Variants in ADD2 observed in about 807,000 individuals in gnomAD.
ADD2 encodes the protein beta-adducin.
Under a neutral mutation model 83.0 loss-of-function variants are expected in ADD2, and 23 were observed. That is an observed-to-expected ratio of 0.28 (90% CI 0.20 to 0.39). ADD2 has a LOEUF of 0.39. ADD2 is among the 10% of genes least tolerant of loss of function. The pLI, the probability that ADD2 is intolerant of heterozygous loss-of-function variation, is 1.00. For synonymous variants in ADD2, 375 were observed against 375.4 expected (o/e 1.00, Z 0.01); for missense variants, 758 against 944.9 (o/e 0.80, Z 2.59).
chr2:70,705,088 G>T (rs989521773), intron 3 of ADD2, among the ~76,000 whole-genome samples: 1 of 152,110 alleles, frequency 6.6e-6, no homozygotes, highest in Non-Finnish European at 1.5e-5. Context: ...AAGGAAGCAG[G>T]CCCTCCTCCA....
chr2:70,678,278 C>A (rs964105772), intron 11 of ADD2, among the ~76,000 whole-genome samples: 1 of 152,134 alleles, frequency 6.6e-6, no homozygotes, highest in Non-Finnish European at 1.5e-5. Flanking sequence ...AAATTGAGAG[C>A]CTGTGGGTGG....
Position 70,758,084 on chromosome 2 carries a change from G to A in ADD2, c.-154+9802C>T, listed in dbSNP as rs115933320. On this transcript the variant is annotated intron_variant, in intron 1 of 15. Coordinates refer to ENST00000264436, the MANE Select transcript of ADD2 (RefSeq NM_001617.4). ...TACCAGGGAGGCTGCCATTCACGCG[G>A]CAGGAACTGTGAGGGATCGACATCT... is the stretch of plus-strand genomic sequence containing the variant. 4.6e-4 allele frequency among the ~76,000 whole-genome samples: 70 copies of A among 152,302 alleles called. 1 individual carries two copies. The highest frequency in any genetic ancestry group is 1.6e-3 in the African/African-American group (67 of 41,580).
chr2:70,729,906 T>C (rs1198936616), intron 1 of ADD2, among the ~76,000 whole-genome samples: 3 of 152,194 alleles, frequency 2.0e-5, no homozygotes, highest in African/African-American at 7.2e-5. Flanking sequence ...GAAATTAACA[T>C]AATACGAAAT....
chr2:70,719,247 A>G (rs1273742033), intron 1 of ADD2, among the ~76,000 whole-genome samples: 1 of 152,228 alleles, frequency 6.6e-6, no homozygotes, highest in African/African-American at 2.4e-5. Flanking sequence ...TCTGGACTCA[A>G]TACAATCCTT....
chr2:70,745,494 T>A (rs189405347), intron 1 of ADD2, among the ~76,000 whole-genome samples: 1 of 151,910 alleles, frequency 6.6e-6, no homozygotes, highest in Non-Finnish European at 1.5e-5. Flanking sequence ...TGTGAAGGGG[T>A]TGGTCTCTTC....
chr2:70,706,223 C>T lies in ADD2; in HGVS notation c.183+3G>A, dbSNP rs1309822933. On this transcript the variant is annotated splice_donor_region_variant and intron_variant, in intron 3 of 15. Transcript: ENST00000264436. This position sits in a 1 kb window ranked among gnomAD's most constrained non-coding sequence, Gnocchi z 5.0. ...CTCTCCCGCCCGGGTCAGCCCCACTCACGGGACTCTGCAGGATCATGGTGA... is the reference window on the plus strand; with the variant it reads ...CTCTCCCGCCCGGGTCAGCCCCACTTACGGGACTCTGCAGGATCATGGTGA... 3 of 1,613,412 alleles carry T rather than the reference C, an allele frequency of 1.9e-6. No homozygotes were observed. Among genetic ancestry groups the T allele is most frequent in the South Asian group, 1.1e-5 (1 of 90,992 alleles).
rs1670309890 is a variant in ADD2, at chr2:70,678,818, G to A, written c.1269C>T (p.Ala423=). The A allele has an allele frequency of 6.2e-7, 1 of 1,614,002 alleles. No individual in the cohort carries two copies. ...GGGTCTTCTCCTTCTGCTGCTTCTG[G>A]GCATGCTGTCGCAGGGCGGGCACCG... ...GAPVPALRQH[A]QKQQKEKTRW... Residue 423 remains alanine, a synonymous_variant, in exon 11 of 16, where the codon GCC becomes GCT. Coordinates refer to ENST00000264436, the MANE Select transcript of ADD2 (RefSeq NM_001617.4).
At chr2:70,746,470 C>A (rs1425402507) in intron 1 of ADD2, among the ~76,000 whole-genome samples, 1 of 152,114 alleles carries the variant, frequency 6.6e-6, no homozygotes, top group Non-Finnish European at 1.5e-5. Context: ...AAGCATTAAC[C>A]CTTTAGTCCC....
intron 4 of ADD2, among the ~76,000 whole-genome samples, chr2:70,699,626 T>A (rs955822821): frequency 7.9e-5 from 12 of 152,130 alleles, no homozygotes; most frequent in Admixed American, 3.3e-4. Context: ...TAAAAAATTT[T>A]AAAATTGCCC....
intron 1 of ADD2, among the ~76,000 whole-genome samples, chr2:70,745,234 C>T (rs1674124903): frequency 6.6e-6 from 1 of 151,730 alleles, no homozygotes; most frequent in Admixed American, 6.6e-5. Flanking sequence ...TGCAGTGGGC[C>T]GAGATCATGC....
At chr2:70,677,145 T>A (rs1266799697) in intron 12 of ADD2, among the ~76,000 whole-genome samples, 1 of 152,166 alleles carries the variant, frequency 6.6e-6, no homozygotes, top group Non-Finnish European at 1.5e-5. Flanking sequence ...TGAGGCATAG[T>A]TGATCCTAAG....
intron 1 of ADD2, among the ~76,000 whole-genome samples, chr2:70,751,854 G>A (rs1403660918): frequency 1.3e-5 from 2 of 152,076 alleles, no homozygotes; most frequent in African/African-American, 4.8e-5. Context: ...TTAAGAAAAG[G>A]AACACATCTT....
At chr2:70,729,853 T>C (rs1036408314) in intron 1 of ADD2, among the ~76,000 whole-genome samples, 6 of 152,204 alleles carry the variant, frequency 3.9e-5, no homozygotes, top group Non-Finnish European at 8.8e-5. Context: ...GGTCACTGCC[T>C]GCTTCCAGGC....
chr2:70,725,135 C>T (rs1256140492), intron 1 of ADD2, among the ~76,000 whole-genome samples: 7 of 152,314 alleles, frequency 4.6e-5, no homozygotes, highest in African/African-American at 1.4e-4. Context: ...ATCTGTAAAG[C>T]AGAGTGGTAA....
In ADD2 at chr2:70,671,497, GA is replaced by G. The variant is rs148656345; in HGVS notation, c.1870+1380del. Among the ~76,000 whole-genome samples, 7 of 149,408 alleles carry G rather than the reference GA, an allele frequency of 4.7e-5. No homozygotes were observed. The South Asian group carries it at 6.4e-4, about 14-fold the overall frequency. On this transcript the variant is annotated intron_variant, in intron 15 of 15. Coordinates refer to ENST00000264436, the MANE Select transcript of ADD2 (RefSeq NM_001617.4). ...ATGTGGGGAGAAATCTATTTCTTTT[GA>G]AAAAAAAAATCCTCCCTCCCCCATT...
rs782330162 is a variant in ADD2 at position 70,708,942 on chromosome 2, G to A, written c.-34-2500C>T. Among the ~76,000 whole-genome samples, 207 of 152,140 alleles carry A rather than the reference G, an allele frequency of 1.4e-3. 5 individuals are homozygous for A. Among genetic ancestry groups the A allele is most frequent in the Non-Finnish European group, 2.9e-4 (20 of 68,026 alleles). On this transcript the variant is annotated intron_variant, in intron 2 of 15. Coordinates refer to ENST00000264436, the MANE Select transcript of ADD2 (RefSeq NM_001617.4). ...CTGTATCTCACTTCCATTTTCTGTA[G>A]GTCACTTTCCTTTTTCTGTCCATAA...
chr2:70,731,779 G>C (rs111965311), intron 1 of ADD2, among the ~76,000 whole-genome samples: 1 of 152,304 alleles, frequency 6.6e-6, no homozygotes, highest in African/African-American at 2.4e-5. Context: ...GCTGAGTTCT[G>C]CTGTTCCCCA....
At chr2:70,735,068 A>G (rs552707352) in intron 1 of ADD2, among the ~76,000 whole-genome samples, 100 of 152,342 alleles carry the variant, frequency 6.6e-4, no homozygotes, top group Admixed American at 1.5e-3. Flanking sequence ...CGAAAATTTC[A>G]AACAGTATTA....
At chr2:70,704,272 C>CCCCCCCCCCCCCCCCA in intron 4 of ADD2, 49 bp downstream of exon 4, 1 of 1,317,482 alleles carries the variant, frequency 7.6e-7, no homozygotes, top group Non-Finnish European at 1.0e-6. Flanking sequence ...TTCCCCACCC[C>CCCCCCCCCCCCCCCCA]ACCCTCCCCT....
Sources: allele counts gnomAD v4.1 joint callset (sites outside exome capture counted in the v4.1 genomes callset), GRCh38; gene constraint gnomAD v4.1.1; non-coding constraint Gnocchi (gnomAD v3.1); transcripts MANE v1.5; gene names NCBI Gene and HGNC (gene_info 2026-07-23, HGNC 2026-07-21).